The following HMG20A variants were observed in gnomAD, a reference collection of about 807,000 sequenced individuals.
HMG20A encodes high mobility group 20A, also known as high mobility group protein 20A.
In HMG20A, 17 loss-of-function variants were observed where a neutral mutation model predicts 43.9. That is an observed-to-expected ratio of 0.39 (90% confidence interval 0.27 to 0.58). The LOEUF is 0.58. Ranked by LOEUF, HMG20A falls within the 20% of genes least tolerant of loss-of-function variation. The pLI, the probability that HMG20A is intolerant of heterozygous loss-of-function variation, is 0.59. For missense variants in HMG20A, 341 were observed against 438.2 expected (o/e 0.78, Z 1.98); for synonymous variants, 132 against 147.5 (o/e 0.89, Z 0.76).
At chr15:77,449,505 T>G (rs2073711942) in intron 1 of HMG20A, among the ~76,000 whole-genome samples, 1 of 152,198 alleles carries the variant, frequency 6.6e-6, no homozygotes, top group Admixed American at 6.5e-5. Flanking sequence ...GTAAGCCTCT[T>G]TTCCTTCCTC....
chr15:77,493,657 G>A, the HMG20A span, among the ~76,000 whole-genome samples: 2 of 152,236 alleles, frequency 1.3e-5, no homozygotes, highest in Non-Finnish European at 2.9e-5. Context: ...GACTAAGGGT[G>A]TAGCAGTGAA....
At chr15:77,443,904 T>A (rs1389028217) in intron 1 of HMG20A, among the ~76,000 whole-genome samples, 3 of 151,988 alleles carry the variant, frequency 2.0e-5, no homozygotes, top group African/African-American at 7.2e-5. Context: ...AGAGATGGGG[T>A]TTCGCCATGT....
At chr15:77,455,022 C>T (rs1487497318) in intron 1 of HMG20A, among the ~76,000 whole-genome samples, 1 of 151,748 alleles carries the variant, frequency 6.6e-6, no homozygotes, top group Non-Finnish European at 1.5e-5. Context: ...AAGGAATATG[C>T]TGCATCTCTA....
the HMG20A span, among the ~76,000 whole-genome samples, chr15:77,499,184 G>T: frequency 6.6e-6 from 1 of 152,062 alleles, no homozygotes; most frequent in South Asian, 2.1e-4. Flanking sequence ...CTAAAATCCC[G>T]ACACTTAGGA....
intron 1 of HMG20A, among the ~76,000 whole-genome samples, chr15:77,434,970 C>T (rs1340782585): frequency 6.6e-6 from 1 of 152,108 alleles, no homozygotes; most frequent in African/African-American, 2.4e-5. Context: ...GCCCAAATGT[C>T]CATCGAAATA....
intron 1 of HMG20A, among the ~76,000 whole-genome samples, chr15:77,432,284 T>C (rs2073493361): frequency 6.6e-6 from 1 of 152,192 alleles, no homozygotes; most frequent in Non-Finnish European, 1.5e-5. Flanking sequence ...GAAAAATTTA[T>C]AGCCTTAAAT....
At chr15:77,450,479 G>A (rs892248196) in intron 1 of HMG20A, among the ~76,000 whole-genome samples, 1 of 152,200 alleles carries the variant, frequency 6.6e-6, no homozygotes, top group Non-Finnish European at 1.5e-5. Flanking sequence ...TGAACCATGA[G>A]AAAGCAAAGA....
chr15:77,476,758 A>G (rs2072860621), intron 6 of HMG20A, among the ~76,000 whole-genome samples: 1 of 152,162 alleles, frequency 6.6e-6, no homozygotes, highest in Non-Finnish European at 1.5e-5. Flanking sequence ...CTTCAAATTC[A>G]TTTTAGAAAC....
At chr15:77,519,835 C>G in the HMG20A span, among the ~76,000 whole-genome samples, 4 of 152,080 alleles carry the variant, frequency 2.6e-5, no homozygotes, top group Admixed American at 2.6e-4. Context: ...AAGGCCAGAG[C>G]CAAGGGGACT....
intron 1 of HMG20A, among the ~76,000 whole-genome samples, chr15:77,452,777 T>TTCAAAAACCACCAAAAAA (rs2142314989): frequency 6.6e-6 from 1 of 152,254 alleles, no homozygotes; most frequent in South Asian, 2.1e-4. Flanking sequence ...TAAAAACGTT[T>TTCAAAAACCACCAAAAAA]GTATTTCAAA....
At chr15:77,433,339 A>T (rs368362672) in intron 1 of HMG20A, among the ~76,000 whole-genome samples, 1 of 13,912 alleles carries the variant, frequency 7.2e-5, no homozygotes, top group East Asian at 8.5e-3. Flanking sequence ...CCCTGTCTCT[A>T]AAAAAAAAAA....
At chr15:77,444,328 G>A (rs1410480443) in intron 1 of HMG20A, among the ~76,000 whole-genome samples, 3 of 152,032 alleles carry the variant, frequency 2.0e-5, no homozygotes, top group Admixed American at 6.5e-5. Context: ...AAAACAAATC[G>A]TTCTGTAGAT....
chr15:77,466,136 T>C (rs1390195301), intron 3 of HMG20A, among the ~76,000 whole-genome samples: 5 of 152,168 alleles, frequency 3.3e-5, no homozygotes, highest in Non-Finnish European at 7.4e-5. Context: ...ATCCCAGCAC[T>C]TTGGGAGGCT....
At chr15:77,472,649 T>C (rs2072820371) in intron 6 of HMG20A, among the ~76,000 whole-genome samples, 1 of 152,246 alleles carries the variant, frequency 6.6e-6, no homozygotes. Flanking sequence ...GCTTCTTTCC[T>C]CCCACTTGGT....
chr15:77,471,833 A>G lies in HMG20A; in HGVS notation c.615+19A>G, dbSNP rs368874148. On this transcript the variant is annotated intron_variant, in intron 6 of 9. Transcript: ENST00000336216. The stretch of plus-strand genomic sequence containing the variant: ...TCATGAGGTAATTAGCCATCTGTCT[A>G]CATATCATATATATGTATTTATAAT... 1 of 1,441,908 alleles carries G rather than the reference A, an allele frequency of 6.9e-7. No individual in the cohort carries two copies. Among genetic ancestry groups the G allele is most frequent in the Non-Finnish European group, 9.6e-7 (1 of 1,045,654 alleles). 89.3% of individuals were successfully genotyped at this position (1,441,908 alleles called of 1,614,324 possible).
At chr15:77,468,538 C>T (rs933908126) in intron 4 of HMG20A, among the ~76,000 whole-genome samples, 1 of 151,826 alleles carries the variant, frequency 6.6e-6, no homozygotes, top group Non-Finnish European at 1.5e-5. Context: ...CACTTATATG[C>T]TCAGTCTTTC....
intron 1 of HMG20A, among the ~76,000 whole-genome samples, chr15:77,456,887 A>C (rs2072660021): frequency 6.6e-6 from 1 of 152,162 alleles, no homozygotes; most frequent in Non-Finnish European, 1.5e-5. Context: ...AACATGTGGA[A>C]TGGAATTTTG....
the HMG20A span, among the ~76,000 whole-genome samples, chr15:77,505,719 A>T: frequency 6.6e-6 from 1 of 152,220 alleles, no homozygotes; most frequent in Non-Finnish European, 1.5e-5. Flanking sequence ...AACCAGGCTG[A>T]TGTGGGCTGC....
chr15:77,436,280 CT>C (rs1476985933), intron 1 of HMG20A, among the ~76,000 whole-genome samples: 2 of 152,076 alleles, frequency 1.3e-5, no homozygotes, highest in Non-Finnish European at 2.9e-5. Context: ...ACACACCCCC[CT>C]ATCCAGACCA....
Sources: allele counts gnomAD v4.1 joint callset (sites outside exome capture counted in the v4.1 genomes callset), GRCh38; gene constraint gnomAD v4.1.1; transcripts MANE v1.5; gene names NCBI Gene and HGNC (gene_info 2026-07-23, HGNC 2026-07-21).